ASIC2: variants seen among roughly 807,000 people sequenced by gnomAD.
ASIC2 encodes the protein acid sensing ion channel subunit 2.
In ASIC2, 25 loss-of-function variants were observed where a neutral mutation model predicts 57.3. The observed-to-expected ratio is 0.44, with a 90% CI of 0.32 to 0.61. The LOEUF is 0.61. Ranked by LOEUF, ASIC2 falls within the 20% of genes least tolerant of loss-of-function variation. The probability of loss-of-function intolerance (pLI) is 0.06; values close to 1 mark genes in which losing one functional copy is unlikely to be tolerated. For missense variants in ASIC2, 641 were observed against 738.1 expected, an observed-to-expected ratio of 0.87 and a Z score of 1.52; for synonymous variants, 319 against 307.5, an observed-to-expected ratio of 1.04 and a Z score of -0.39.
At chr17:33,183,621 G>T (rs1272906405) in intron 1 of ASIC2, among the ~76,000 whole-genome samples, 1 of 152,204 alleles carries the variant, frequency 6.6e-6, no homozygotes, top group Non-Finnish European at 1.5e-5. Context: ...CACTGTATCT[G>T]CTTTTCTATC....
intron 1 of ASIC2, among the ~76,000 whole-genome samples, chr17:33,917,300 C>G (rs1332630461): frequency 6.6e-6 from 1 of 152,158 alleles, no homozygotes; most frequent in African/African-American, 2.4e-5. Flanking sequence ...CCTCACGTGC[C>G]TTAAATCTCC....
chr17:33,513,259 TTA>T (rs1392038549), intron 1 of ASIC2, among the ~76,000 whole-genome samples: 1 of 152,232 alleles, frequency 6.6e-6, no homozygotes, highest in Admixed American at 6.5e-5. Context: ...TGCATTTATT[TTA>T]TGATTCTTTA....
At chr17:33,667,093 G>A (rs867116877) in intron 1 of ASIC2, among the ~76,000 whole-genome samples, 5 of 152,172 alleles carry the variant, frequency 3.3e-5, no homozygotes, top group Admixed American at 6.5e-5. Flanking sequence ...TCAGCATAAA[G>A]CGGGTGAGAT....
At chr17:33,919,084 A>G (rs1915651749) in intron 1 of ASIC2, among the ~76,000 whole-genome samples, 2 of 152,114 alleles carry the variant, frequency 1.3e-5, no homozygotes, top group African/African-American at 4.8e-5. Context: ...GAGACTGGCT[A>G]TCTAGCTCCC....
intron 1 of ASIC2, among the ~76,000 whole-genome samples, chr17:33,710,525 G>A (rs1248773517): frequency 1.3e-5 from 2 of 152,192 alleles, no homozygotes; most frequent in Non-Finnish European, 2.9e-5. Flanking sequence ...GTGAGGTCAT[G>A]GGAGGCTTCC....
intron 1 of ASIC2, chr17:33,689,297 CT>C (rs1215787544): frequency 6.6e-6 from 1 of 152,228 alleles, no homozygotes; most frequent in Non-Finnish European, 1.5e-5. Flanking sequence ...TCTCAAACTC[CT>C]GGGCTCAAGT....
At chr17:33,799,424 T>TTTC (rs879355138) in intron 1 of ASIC2, among the ~76,000 whole-genome samples, 1 of 74,920 alleles carries the variant, frequency 1.3e-5, no homozygotes, top group African/African-American at 5.6e-5. Flanking sequence ...TCTTTCTTTC[T>TTTC]TTCTTCTTTC....
chr17:33,288,120 G>C (rs934260386), intron 1 of ASIC2, among the ~76,000 whole-genome samples: 1 of 152,154 alleles, frequency 6.6e-6, no homozygotes, highest in Non-Finnish European at 1.5e-5. Context: ...CTGGTCTGGA[G>C]GGGGAGACAG....
chr17:33,997,211 G>A lies in ASIC2; in HGVS notation c.555+158767C>T, dbSNP rs540793061. On this transcript the variant is annotated intron_variant, in intron 1 of 9. Coordinates refer to the ASIC2 transcript ENST00000359872. ...GGCTGGAGTGAAGTGGTGCAGCCTC[G>A]GTTCACTGCAGTCTTGACCTCCTGG... is the stretch of plus-strand genomic sequence containing the variant. Among the ~76,000 whole-genome samples the A allele has an allele frequency of 7.9e-5, 12 of 151,634 alleles. No homozygotes were observed. In the East Asian group the frequency reaches 1.2e-3, roughly 15 times the overall value.
chr17:33,034,411 C>T (rs1243699756), intron 3 of ASIC2, among the ~76,000 whole-genome samples: 1 of 152,134 alleles, frequency 6.6e-6, no homozygotes, highest in African/African-American at 2.4e-5. Context: ...GTGGGAGGAT[C>T]GCTTGAGCCC....
intron 1 of ASIC2, among the ~76,000 whole-genome samples, chr17:34,105,872 T>C (rs1911030703): frequency 6.6e-6 from 1 of 152,066 alleles, no homozygotes; most frequent in African/African-American, 2.4e-5. Context: ...AGTACTTTCT[T>C]ACATAACCAC....
chr17:33,786,928 G>A (rs1425718616), intron 1 of ASIC2, among the ~76,000 whole-genome samples: 1 of 152,194 alleles, frequency 6.6e-6, no homozygotes, highest in Non-Finnish European at 1.5e-5. Flanking sequence ...TTCCTCTCAA[G>A]CACATACTTT....
chr17:33,464,701 A>C (rs11653678), intron 1 of ASIC2, among the ~76,000 whole-genome samples: 31 of 127,760 alleles, frequency 2.4e-4, no homozygotes, highest in African/African-American at 9.1e-4. Flanking sequence ...ATATATATAT[A>C]TATGTATATA....
chr17:33,501,059 C>T (rs913647590), intron 1 of ASIC2, among the ~76,000 whole-genome samples: 3 of 152,236 alleles, frequency 2.0e-5, no homozygotes, highest in Non-Finnish European at 2.9e-5. Flanking sequence ...ACTCCCTGGT[C>T]TGCAGGGACC....
intron 1 of ASIC2, among the ~76,000 whole-genome samples, chr17:33,377,204 C>G (rs934607784): frequency 6.6e-6 from 1 of 152,116 alleles, no homozygotes; most frequent in Non-Finnish European, 1.5e-5. Context: ...ACACTTGCTA[C>G]CACATCCAGC....
intron 1 of ASIC2, among the ~76,000 whole-genome samples, chr17:33,562,634 C>G (rs1422226539): frequency 2.0e-5 from 3 of 152,108 alleles, no homozygotes; most frequent in Non-Finnish European, 4.4e-5. Context: ...TGGCACCTAT[C>G]TCTTGGGAAA....
chr17:33,931,421 T>A (rs983942947), intron 1 of ASIC2: 1 of 152,234 alleles, frequency 6.6e-6, no homozygotes, highest in African/African-American at 2.4e-5. Flanking sequence ...GATTTTTAAC[T>A]ACCAGGCCTG....
In ASIC2 at chr17:33,283,626, G is replaced by A. The variant is rs75534542; in HGVS notation, c.708+7782C>T. Among the ~76,000 whole-genome samples, 427 of 152,294 alleles carry A rather than the reference G, an allele frequency of 2.8e-3. 3 individuals carry two copies. The highest frequency in any genetic ancestry group is 3.5e-3 in the Non-Finnish European group (237 of 68,030). Reference sequence around the variant, plus strand: ...CAAACCGACACTGACCAGCAACAGAGGTGCTGGAGGAAGCAAAGGTATATG... The same window carrying A: ...CAAACCGACACTGACCAGCAACAGAAGTGCTGGAGGAAGCAAAGGTATATG... On this transcript the variant is annotated intron_variant, in intron 1 of 9. Coordinates refer to ENST00000225823, the MANE Select transcript of ASIC2 (RefSeq NM_183377.2).
At chr17:33,409,868 G>C (rs923212336) in intron 1 of ASIC2, among the ~76,000 whole-genome samples, 1 of 152,204 alleles carries the variant, frequency 6.6e-6, no homozygotes, top group East Asian at 1.9e-4. Flanking sequence ...TTCTAGCACT[G>C]TTTGGCTTGA....
Sources: gnomAD v4.1 joint callset for allele counts (sites outside exome capture counted in the v4.1 genomes callset) on GRCh38, gnomAD v4.1.1 for gene constraint, MANE v1.5 for transcripts, NCBI Gene and HGNC (gene_info 2026-07-23, HGNC 2026-07-21) for gene names.